Variants in FARS2 observed in about 807,000 individuals in gnomAD.
FARS2 encodes phenylalanine--tRNA ligase, mitochondrial.
FARS2 carries 40 observed loss-of-function variants against 46.4 expected under a neutral mutation model. The observed-to-expected ratio is 0.86, with a 90% confidence interval of 0.67 to 1.12. The LOEUF is 1.12. Among genes scored for constraint, FARS2 ranks in the 50% most tolerant of loss-of-function variants. The probability of loss-of-function intolerance (pLI) is 0.00; values close to 1 mark genes in which losing one functional copy is unlikely to be tolerated. For synonymous variants in FARS2, 234 were observed against 214.9 expected, an observed-to-expected ratio of 1.09 and a Z score of -0.78; for missense variants, 513 against 567.9, an observed-to-expected ratio of 0.90 and a Z score of 0.98.
At chr6:5,287,022 G>T (rs17140096) in intron 1 of FARS2, among the ~76,000 whole-genome samples, 1 of 152,176 alleles carries the variant, frequency 6.6e-6, no homozygotes, top group African/African-American at 2.4e-5. Flanking sequence ...ACAGAGCATG[G>T]CCATTGCCCC....
At chr6:5,618,245 C>G (rs1345282057) in intron 6 of FARS2, among the ~76,000 whole-genome samples, 1 of 152,146 alleles carries the variant, frequency 6.6e-6, no homozygotes, top group African/African-American at 2.4e-5. Context: ...TTCCAAAACC[C>G]TCTACTGGGA....
At chr6:5,256,341 T>G (rs1764665246), upstream of FARS2, among the ~76,000 whole-genome samples, 1 of 151,276 alleles carries the variant, frequency 6.6e-6, no homozygotes, top group Non-Finnish European at 1.5e-5. Flanking sequence ...AATACAGAAA[T>G]TAGCCAGGCG....
At chr6:5,676,726 G>T (rs1778788214) in intron 6 of FARS2, among the ~76,000 whole-genome samples, 1 of 152,164 alleles carries the variant, frequency 6.6e-6, no homozygotes, top group Admixed American at 6.5e-5. Context: ...AAACTTACTA[G>T]GACTTAGTGT....
At chr6:5,568,321 T>G (rs764217767) in intron 5 of FARS2, among the ~76,000 whole-genome samples, 5 of 152,196 alleles carry the variant, frequency 3.3e-5, no homozygotes, top group African/African-American at 1.2e-4. Context: ...TTTTTGTTGA[T>G]GTATGTGACA....
chr6:5,401,688 G>A (rs946774723), intron 2 of FARS2, among the ~76,000 whole-genome samples: 23 of 152,074 alleles, frequency 1.5e-4, no homozygotes, highest in African/African-American at 5.6e-4. Context: ...TGTGTTTCAC[G>A]TTTTTTCTGT....
At chr6:5,573,105 C>T (rs1440717894) in intron 5 of FARS2, among the ~76,000 whole-genome samples, 2 of 152,194 alleles carry the variant, frequency 1.3e-5, no homozygotes, top group Non-Finnish European at 2.9e-5. Flanking sequence ...CTTCTATTTT[C>T]TGAAGTCAGT....
intron 4 of FARS2, among the ~76,000 whole-genome samples, chr6:5,433,026 G>A (rs924993296): frequency 6.6e-6 from 1 of 152,150 alleles, no homozygotes; most frequent in Admixed American, 6.5e-5. Context: ...CCAGCACAGG[G>A]CTGGAAGCTT....
In FARS2 at chr6:5,765,204, C is replaced by G. The variant is rs1762689129; in HGVS notation, c.1218-6087C>G. Among the ~76,000 whole-genome samples the G allele has an allele frequency of 6.6e-6, 1 of 152,234 alleles. No homozygotes were observed. The highest frequency in any genetic ancestry group is 2.1e-4 in the South Asian group (1 of 4,836). On this transcript the variant is annotated intron_variant, in intron 6 of 6. Transcript: ENST00000274680. The surrounding 1 kb of genome is among the most constrained non-coding windows in gnomAD (Gnocchi z 4.0). ...TCCCATTGGCCCACACGGGGCTGCC[C>G]CTCTGGCCCTGGCTCTCGGCTTCCA...
chr6:5,487,898 A>G (rs1766874935), intron 4 of FARS2, among the ~76,000 whole-genome samples: 1 of 152,144 alleles, frequency 6.6e-6, no homozygotes, highest in Admixed American at 6.5e-5. Context: ...TGGCATGTGG[A>G]AAGGCTCAGT....
chr6:5,404,813 T>A, intron 3 of FARS2, 112 bp downstream of exon 3: 1 of 754,990 alleles, frequency 1.3e-6, no homozygotes, highest in Non-Finnish European at 1.9e-6. Context: ...TTTTTTTTTT[T>A]CCCCGAGACG....
At chr6:5,504,583 G>A (rs956714176) in intron 4 of FARS2, among the ~76,000 whole-genome samples, 2 of 151,996 alleles carry the variant, frequency 1.3e-5, no homozygotes, top group Admixed American at 6.6e-5. Context: ...ACAACTTCAA[G>A]TCGCACAAAA....
chr6:5,717,759 A>G (rs1337499162), intron 6 of FARS2, among the ~76,000 whole-genome samples: 1 of 152,068 alleles, frequency 6.6e-6, no homozygotes, highest in Non-Finnish European at 1.5e-5. Context: ...TTCCACAGCC[A>G]TTGATGAGCA....
intron 1 of FARS2, among the ~76,000 whole-genome samples, chr6:5,365,388 GTGGTGCAATCC>G (rs1758599729): frequency 7.5e-6 from 1 of 134,062 alleles, no homozygotes; most frequent in Non-Finnish European, 1.5e-5. Context: ...CTGGAGTGCA[GTGGTGCAATCC>G]TGGCTTACTG....
intron 4 of FARS2, among the ~76,000 whole-genome samples, chr6:5,473,735 A>G (rs1765949703): frequency 6.6e-6 from 1 of 152,148 alleles, no homozygotes; most frequent in South Asian, 2.1e-4. Flanking sequence ...AAATTGGATT[A>G]TCTTTGTTAC....
intron 1 of FARS2, among the ~76,000 whole-genome samples, chr6:5,291,878 A>G (rs1159775586): frequency 6.6e-6 from 1 of 152,248 alleles, no homozygotes; most frequent in Non-Finnish European, 1.5e-5. Context: ...AAAGTCTAAT[A>G]AGATATACTA....
chr6:5,258,897 G>T (rs1351617949), upstream of FARS2, among the ~76,000 whole-genome samples: 1 of 152,140 alleles, frequency 6.6e-6, no homozygotes, highest in Admixed American at 6.5e-5. Context: ...TGATTTTCCT[G>T]TTGAGTTTCG....
At chr6:5,545,998 C>T (rs965670311) in intron 5 of FARS2, among the ~76,000 whole-genome samples, 7 of 151,876 alleles carry the variant, frequency 4.6e-5, no homozygotes, top group East Asian at 2.0e-4. Context: ...CATGGTGGCA[C>T]GCACCTGTAG....
intron 1 of FARS2, among the ~76,000 whole-genome samples, chr6:5,303,955 GC>G (rs1379094599): frequency 7.2e-5 from 11 of 152,040 alleles, no homozygotes; most frequent in Non-Finnish European, 1.5e-4. Flanking sequence ...GCTCTGTGTG[GC>G]TCAGCCCATG....
chr6:5,274,445 T>C (rs1176859744), intron 1 of FARS2, among the ~76,000 whole-genome samples: 1 of 152,226 alleles, frequency 6.6e-6, no homozygotes, highest in Non-Finnish European at 1.5e-5. Flanking sequence ...TTTTGTTTTC[T>C]ATTAAAAGAT....
Sources: allele counts gnomAD v4.1 joint callset (sites outside exome capture counted in the v4.1 genomes callset), GRCh38; gene constraint gnomAD v4.1.1; non-coding constraint Gnocchi (gnomAD v3.1); transcripts MANE v1.5; gene names NCBI Gene and HGNC (gene_info 2026-07-23, HGNC 2026-07-21).